The following DMKN variants were observed in gnomAD, a reference collection of about 807,000 sequenced individuals.
DMKN encodes the protein epidermis-specific secreted protein SK30/SK89.
In DMKN, 58 loss-of-function variants were observed where a neutral mutation model predicts 67.6. The ratio of observed to expected loss-of-function variants is 0.86; its 90% CI spans 0.69 to 1.07. The LOEUF is 1.07. DMKN is among the 50% of genes least tolerant of loss of function. DMKN has a pLI of 0.00. For missense variants in DMKN, 596 were observed against 601.5 expected, an observed-to-expected ratio of 0.99 and a Z score of 0.10; for synonymous variants, 240 against 232.3, an observed-to-expected ratio of 1.03 and a Z score of -0.30.
At chr19:35,513,026 A>G in intron 1 of DMKN, 24 bp downstream of exon 1, 2 of 1,609,658 alleles carry the variant, frequency 1.2e-6, no homozygotes, top group East Asian at 2.2e-5. Context: ...TCCCATTTCC[A>G]CATGCAGCCC....
At chr19:35,503,007 A>G in intron 9 of DMKN, 121 bp from the exon 10 acceptor site, 1 of 1,166,044 alleles carries the variant, frequency 8.6e-7, no homozygotes, top group Non-Finnish European at 1.2e-6. Flanking sequence ...TGGGGATGGG[A>G]GGAGCTGAGA....
At chr19:35,498,935 G>A (rs753544971) in intron 13 of DMKN, 38 bp from the exon 14 acceptor site, 1 of 1,614,086 alleles carries the variant, frequency 6.2e-7, no homozygotes, top group African/African-American at 1.3e-5. Context: ...TGGGGTCATG[G>A]CCTCCCTGTA....
At position 35,503,216 on chromosome 19, in the gene DMKN, C is replaced by G. The variant is rs1449684901; in HGVS notation, c.1135-330G>C. ...TCCACCTGCCGGGCCTCCTCCAGCC[C>G]GTTTCCCGAAGCTGTGGGGCTGCAG... On this transcript the variant is annotated intron_variant, in intron 9 of 15. Coordinates refer to ENST00000339686, the MANE Select transcript of DMKN (RefSeq NM_033317.5). 1.4e-5 allele frequency: 20 copies of G among 1,441,468 alleles called. 1 individual carries two copies. The East Asian group carries it at 4.3e-4, about 31-fold the overall frequency. The allele number at this position is 1,441,468 out of a possible 1,614,324, so 89.3% of individuals were successfully genotyped here.
chr19:35,513,037 C>G lies in DMKN; in HGVS notation c.426+13G>C. 1 of 1,611,958 alleles carries G rather than the reference C, an allele frequency of 6.2e-7. No homozygotes were observed. The highest frequency in any genetic ancestry group is 8.5e-7 in the Non-Finnish European group (1 of 1,179,256). ...AGCCTCCCATTTCCACATGCAGCCC[C>G]ACAGCCACTCACCCAAGCACCATTG... On this transcript the variant is annotated intron_variant, in intron 1 of 15. Coordinates refer to ENST00000339686, the MANE Select transcript of DMKN (RefSeq NM_033317.5).
chr19:35,512,799 A>G lies in DMKN; in HGVS notation c.427-9T>C, dbSNP rs1349391905. The G allele has an allele frequency of 6.2e-7, 1 of 1,611,716 alleles. No individual in the cohort carries two copies. The highest frequency in any genetic ancestry group is 8.5e-7 in the Non-Finnish European group (1 of 1,179,614). ...TGGCCTCCAGAAGTTTCCTGCAAGA[A>G]CAACATACCTGCACTTAGTGGGACC... is the stretch of plus-strand genomic sequence containing the variant. On this transcript the variant is annotated splice_polypyrimidine_tract_variant and intron_variant, in intron 1 of 15. Coordinates refer to ENST00000339686, the MANE Select transcript of DMKN (RefSeq NM_033317.5).
chr19:35,508,493 G>A, intron 7 of DMKN: 1 of 364,594 alleles, frequency 2.7e-6, no homozygotes, highest in South Asian at 4.3e-5. Flanking sequence ...AAATAAAGCA[G>A]TCCTGTCCGA....
intron 8 of DMKN, 27 bp from the exon 9 acceptor site, chr19:35,505,792 G>A: frequency 6.2e-7 from 1 of 1,614,204 alleles, no homozygotes; most frequent in African/African-American, 1.3e-5. Flanking sequence ...AAGAAGAATG[G>A]CCAAATTGAG....
intron 11 of DMKN, chr19:35,501,729 C>G (rs1599844279): frequency 7.5e-7 from 1 of 1,327,262 alleles, no homozygotes. Context: ...ACCGCCCTCC[C>G]GTTCCACCTC....
At chr19:35,507,517 G>A (rs771181521) in intron 7 of DMKN, 22 of 1,551,382 alleles carry the variant, frequency 1.4e-5, no homozygotes, top group Non-Finnish European at 1.8e-5. Flanking sequence ...ATTTCCTAGG[G>A]AGACAGAAAA....
rs555106413 is a variant in DMKN at position 35,507,309 on chromosome 19, GA to G, written c.1039-1324del. ...ACCAAAGATGGAGATGGGGATCCCA[GA>G]ACCCTGTTTTGGTCTCTTGATGGTC... On this transcript the variant is annotated intron_variant, in intron 7 of 15. Transcript: ENST00000339686. 545 of 639,530 alleles carry G rather than the reference GA, an allele frequency of 8.5e-4. 1 individual carries two copies. The highest frequency in any genetic ancestry group is 3.2e-3 in the African/African-American group (175 of 54,352). The allele number at this position is 639,530 out of a possible 1,614,324, so 39.6% of individuals were successfully genotyped here. A position where few individuals can be genotyped will look rare whatever the true frequency, so the allele number is the denominator to read the frequency against.
At position 35,513,398 on chromosome 19, in the gene DMKN, G is replaced by C. The variant is rs754296680; in HGVS notation, c.78C>G (p.Ser26Arg). The C allele has an allele frequency of 3.7e-6, 6 of 1,607,870 alleles. No homozygotes were observed. The African/African-American group carries it at 6.7e-5, about 18-fold the overall frequency. ...LGSGEAGPLQ[S>R]GEESTGTNIG... is the part of the protein sequence containing the mutation. ...TATTTGTCCCAGTGCTTTCCTCTCC[G>C]CTCTGCAGGGGGCCAGCCTCCCCAC... The change falls in exon 1 of 16, where the codon AGC becomes AGG. Residue 26 changes from serine to arginine, a missense_variant. Physicochemically the swap from Ser to Arg is moderately radical, Grantham distance 110. Transcript: ENST00000339686.
intron 7 of DMKN, chr19:35,507,610 G>A (rs1018582783): frequency 8.9e-6 from 9 of 1,006,104 alleles, no homozygotes; most frequent in South Asian, 4.2e-5. Flanking sequence ...TTCCTGAATC[G>A]GGGGACTGAG....
chr19:35,502,750 G>T, intron 10 of DMKN, 80 bp downstream of exon 10: 1 of 1,461,432 alleles, frequency 6.8e-7, no homozygotes, highest in Non-Finnish European at 9.6e-7. Flanking sequence ...TTGGAGCAGA[G>T]GGTGGCTGCC....
chr19:35,509,262 G>C (rs543916832), intron 7 of DMKN, among the ~76,000 whole-genome samples: 1 of 123,156 alleles, frequency 8.1e-6, no homozygotes, highest in African/African-American at 3.7e-5. Flanking sequence ...GTTACAAATG[G>C]GAAGAAATTT....
chr19:35,502,208 G>A (rs2068520661), intron 10 of DMKN, 25 bp from the exon 11 acceptor site: 2 of 1,613,876 alleles, frequency 1.2e-6, no homozygotes, highest in Non-Finnish European at 1.7e-6. Flanking sequence ...AGGGCAGAGT[G>A]GGCCGGGGAG....
At chr19:35,505,683 T>C (rs760004376) in intron 9 of DMKN, 35 bp downstream of exon 9, 1 of 1,613,906 alleles carries the variant, frequency 6.2e-7, no homozygotes, top group South Asian at 1.1e-5. Flanking sequence ...CTTTCTTCCC[T>C]ATAGCCCTCT....
chr19:35,511,923 C>T (rs1167282352), intron 3 of DMKN, 110 bp from the exon 4 acceptor site: 1 of 1,269,944 alleles, frequency 7.9e-7, no homozygotes, highest in Non-Finnish European at 1.1e-6. Flanking sequence ...GGCTTCCTTT[C>T]TCCTAATGTG....
chr19:35,512,914 G>C (rs2071063920), intron 1 of DMKN, 124 bp from the exon 2 acceptor site: 2 of 1,507,024 alleles, frequency 1.3e-6, no homozygotes, highest in Non-Finnish European at 1.8e-6. Context: ...GCATAGGAGG[G>C]GGGCAGAACA....
intron 12 of DMKN, 135 bp downstream of exon 12, chr19:35,500,398 C>T (rs1050629896): frequency 1.3e-6 from 2 of 1,551,896 alleles, no homozygotes. Context: ...ACAGCTGCCA[C>T]CTCCTGCCAT....
Sources: allele counts gnomAD v4.1 joint callset (sites outside exome capture counted in the v4.1 genomes callset), GRCh38; gene constraint gnomAD v4.1.1; transcripts MANE v1.5; gene names NCBI Gene and HGNC (gene_info 2026-07-23, HGNC 2026-07-21).